FGF14: variants seen among roughly 807,000 people sequenced by gnomAD.
FGF14 encodes the protein fibroblast growth factor homologous factor 4.
FGF14 carries 5 observed loss-of-function variants against 25.5 expected under a neutral mutation model. That is an observed-to-expected ratio of 0.20 (90% CI 0.10 to 0.41). FGF14 has a LOEUF of 0.41. FGF14 is among the 10% of genes least tolerant of loss of function. The pLI, the probability that FGF14 is intolerant of heterozygous loss-of-function variation, is 1.00. For synonymous variants in FGF14, 138 were observed against 118.3 expected (o/e 1.17, Z -1.08); for missense variants, 222 against 320.1 (o/e 0.69, Z 2.34).
rs550512949 is a variant in FGF14, at chr13:101,849,272, G to T, written c.408+19453C>A. Among the ~76,000 whole-genome samples, 3 of 152,146 alleles carry T rather than the reference G, an allele frequency of 2.0e-5. No individual in the cohort carries two copies. The South Asian group carries it at 6.2e-4, about 32-fold the overall frequency. ...AGGGGGTTTTCTGAGGACTGGAAGG[G>T]ACACAAAATCACCGTAAGCGACCGG... On this transcript the variant is annotated intron_variant, in intron 3 of 4. Coordinates refer to ENST00000376143, the MANE Select transcript of FGF14 (RefSeq NM_004115.4).
In FGF14 at chr13:102,267,987, ATAGAT is replaced by A. The variant is rs2053071523; in HGVS notation, c.208+133479_208+133483del. ...AAGAGTACATTCAATTTAGCTATAA[ATAGAT>A]AAGAAGGAAACAATAAATCATGAAA... On this transcript the variant is annotated intron_variant, in intron 1 of 4. Transcript: ENST00000376131. Among the ~76,000 whole-genome samples the A allele has an allele frequency of 7.9e-5, 12 of 152,272 alleles. No individual in the cohort carries two copies. The South Asian group carries it at 2.5e-3, about 32-fold the overall frequency.
intron 1 of FGF14, among the ~76,000 whole-genome samples, chr13:102,326,693 G>GGAT: frequency 3.4e-5 from 1 of 29,388 alleles, no homozygotes; most frequent in East Asian, 1.1e-3. Context: ...GGGAAGGGAA[G>GGAT]GGAAGGAAGG....
chr13:102,381,758 C>T (rs1265613725), intron 1 of FGF14, among the ~76,000 whole-genome samples: 1 of 152,266 alleles, frequency 6.6e-6, no homozygotes, highest in East Asian at 1.9e-4. Context: ...TACAGTATCC[C>T]TATTATCATT....
chr13:101,977,612 A>C (rs2038005914), intron 1 of FGF14, among the ~76,000 whole-genome samples: 1 of 152,088 alleles, frequency 6.6e-6, no homozygotes, highest in African/African-American at 2.4e-5. Context: ...ACCATCTCTG[A>C]GCTGGACAAG....
intron 1 of FGF14, among the ~76,000 whole-genome samples, chr13:102,076,402 G>A (rs1039383605): frequency 6.6e-6 from 1 of 152,138 alleles, no homozygotes; most frequent in East Asian, 1.9e-4. Flanking sequence ...GAAGCAATAG[G>A]CTATGCCACA....
chr13:101,961,558 G>T (rs1226198427), intron 1 of FGF14, among the ~76,000 whole-genome samples: 1 of 151,920 alleles, frequency 6.6e-6, no homozygotes, highest in East Asian at 1.9e-4. Flanking sequence ...ATATGCTTTG[G>T]CTCTGTCCCC....
chr13:101,776,605 A>G (rs1038916534), intron 3 of FGF14, among the ~76,000 whole-genome samples: 1 of 152,204 alleles, frequency 6.6e-6, no homozygotes, highest in Non-Finnish European at 1.5e-5. Context: ...AGGCAAGAAG[A>G]GCATAAGAAA....
chr13:101,992,912 G>A lies in FGF14; in HGVS notation c.209-117616C>T, dbSNP rs2038982063. On this transcript the variant is annotated intron_variant, in intron 1 of 4. Coordinates refer to the FGF14 transcript ENST00000376131. Reference sequence around the variant, plus strand: ...AAGAGAGAAAAGAACAGAAATATTTGAAGTAACACTGGCTAAGAATTTCCC... The same window carrying A: ...AAGAGAGAAAAGAACAGAAATATTTAAAGTAACACTGGCTAAGAATTTCCC... 2.0e-5 allele frequency among the ~76,000 whole-genome samples: 3 copies of A among 152,090 alleles called. No individual in the cohort carries two copies. In the South Asian group the frequency reaches 6.2e-4, roughly 32 times the overall value.
chr13:102,222,395 G>C (rs775717490), intron 1 of FGF14, among the ~76,000 whole-genome samples: 2 of 152,162 alleles, frequency 1.3e-5, no homozygotes, highest in Non-Finnish European at 2.9e-5. Context: ...GACAACGTAT[G>C]TAATTTTGAA....
rs1461029445 is a variant in FGF14, at chr13:101,716,869, T to C, written c.*5962A>G. On this transcript the variant is annotated 3_prime_UTR_variant, in exon 5 of 5. Coordinates refer to ENST00000376143, the MANE Select transcript of FGF14 (RefSeq NM_004115.4). Reference sequence around the variant, plus strand: ...TCAGTGATAGGAACAAAATGTTTATTTTCTTAATGGTGAAACTTTGCTTTG... The same window carrying C: ...TCAGTGATAGGAACAAAATGTTTATCTTCTTAATGGTGAAACTTTGCTTTG... 2 of 152,106 alleles carry C rather than the reference T, an allele frequency of 1.3e-5. No individual in the cohort carries two copies. Among genetic ancestry groups the C allele is most frequent in the African/African-American group, 4.8e-5 (2 of 41,450 alleles). The allele number at this position is 152,106 out of a possible 1,614,324, so 9.4% of individuals were successfully genotyped here.
chr13:101,747,199 G>A (rs1432305208), intron 3 of FGF14, among the ~76,000 whole-genome samples: 7 of 152,052 alleles, frequency 4.6e-5, no homozygotes, highest in East Asian at 3.9e-4. Flanking sequence ...GCAATTTAGC[G>A]ACTGAGCTCT....
At chr13:101,875,419 T>C in intron 1 of FGF14, 123 bp from the exon 2 acceptor site, 1 of 714,390 alleles carries the variant, frequency 1.4e-6, no homozygotes, top group Non-Finnish European at 2.5e-6. Flanking sequence ...TTTTATTTTG[T>C]CTCTCAGATT....
chr13:101,850,480 A>AG (rs2043723608), intron 3 of FGF14, among the ~76,000 whole-genome samples: 1 of 2,550 alleles, frequency 3.9e-4, no homozygotes, highest in East Asian at 0.013. Flanking sequence ...ATATATATAT[A>AG]TATATATATA....
At chr13:102,224,800 G>GATGAACAATAAT (rs1268462848) in intron 1 of FGF14, among the ~76,000 whole-genome samples, 1 of 152,086 alleles carries the variant, frequency 6.6e-6, no homozygotes, top group Non-Finnish European at 1.5e-5. Context: ...CAAATACCTT[G>GATGAACAATAAT]ATGAACAATA....
chr13:101,904,640 A>T (rs1044152367), intron 1 of FGF14, among the ~76,000 whole-genome samples: 3 of 152,322 alleles, frequency 2.0e-5, no homozygotes, highest in Admixed American at 1.3e-4. Context: ...AAAGACACAA[A>T]CATTGTACCT....
At chr13:101,838,444 T>C (rs541393824) in intron 3 of FGF14, among the ~76,000 whole-genome samples, 86 of 152,156 alleles carry the variant, frequency 5.7e-4, no homozygotes, top group African/African-American at 2.1e-3. Context: ...TGATTCATCC[T>C]AAAGCCAAAA....
At chr13:102,398,432 A>G (rs941037654) in intron 1 of FGF14, among the ~76,000 whole-genome samples, 15 of 152,352 alleles carry the variant, frequency 9.8e-5, no homozygotes, top group African/African-American at 3.4e-4. Flanking sequence ...AAATTATTTC[A>G]TAACTTCCAA....
intron 3 of FGF14, among the ~76,000 whole-genome samples, chr13:101,780,383 C>T (rs545899612): frequency 6.6e-6 from 1 of 152,258 alleles, no homozygotes; most frequent in Admixed American, 6.5e-5. Flanking sequence ...TTCCACCAGG[C>T]ACTTGTGAAT....
At chr13:102,276,353 GTATATATATATA>G (rs10574334) in intron 1 of FGF14, among the ~76,000 whole-genome samples, 5 of 103,292 alleles carry the variant, frequency 4.8e-5, no homozygotes, top group Admixed American at 9.7e-5. Flanking sequence ...GTGTGTGTGT[GTATATATATATA>G]TATATATATA....
Sources: gnomAD v4.1 joint callset for allele counts (sites outside exome capture counted in the v4.1 genomes callset) on GRCh38, gnomAD v4.1.1 for gene constraint, MANE v1.5 for transcripts, NCBI Gene and HGNC (gene_info 2026-07-23, HGNC 2026-07-21) for gene names.